Variants in NUCKS1 observed in about 807,000 individuals in gnomAD.
NUCKS1 encodes the protein nuclear ubiquitous casein and cyclin-dependent kinase substrate 1.
Under a neutral mutation model 33.0 loss-of-function variants are expected in NUCKS1, and 2 were observed. The ratio of observed to expected loss-of-function variants is 0.06; its 90% CI spans 0.02 to 0.19. The LOEUF is 0.19. Ranked by LOEUF, NUCKS1 falls within the 10% of genes least tolerant of loss-of-function variation. NUCKS1 has a pLI of 1.00. For synonymous variants in NUCKS1, 106 were observed against 102.8 expected (o/e 1.03, Z -0.19); for missense variants, 201 against 293.6 (o/e 0.68, Z 2.31).
chr1:205,749,664 C>T (rs1328047286), intron 1 of NUCKS1, among the ~76,000 whole-genome samples: 1 of 152,010 alleles, frequency 6.6e-6, no homozygotes, highest in Non-Finnish European at 1.5e-5. Flanking sequence ...CCTCCGGCCG[C>T]TGGCGGCTCA....
intron 1 of NUCKS1, among the ~76,000 whole-genome samples, chr1:205,736,514 G>A (rs1035678258): frequency 5.3e-5 from 8 of 151,892 alleles, no homozygotes; most frequent in Admixed American, 5.3e-4. Context: ...GATCTCCAAG[G>A]CAGCCTATGC....
At position 205,715,282 on chromosome 1, in the gene NUCKS1, T is replaced by C. The variant is rs928275662; in HGVS notation, c.*2998A>G. ...CAGGTTATTGTGAAAACAGTCAATA[T>C]GTAAGCTCCTTCAAGGGAAATCAAC... is the stretch of plus-strand genomic sequence containing the variant. On this transcript the variant is annotated 3_prime_UTR_variant, in exon 7 of 7. Transcript: ENST00000367142. 2 of 152,216 alleles carry C rather than the reference T, an allele frequency of 1.3e-5. No individual in the cohort carries two copies. The highest frequency in any genetic ancestry group is 1.9e-4 in the East Asian group (1 of 5,196). 9.4% of individuals were successfully genotyped at this position (152,216 alleles called of 1,614,324 possible). A position where few individuals can be genotyped will look rare whatever the true frequency, so the allele number is the denominator to read the frequency against.
In NUCKS1 at chr1:205,718,377, G is replaced by A. The variant is rs771629435; in HGVS notation, c.635C>T (p.Pro212Leu). 1.2e-5 allele frequency: 20 copies of A among 1,613,148 alleles called. No individual in the cohort carries two copies. The highest frequency in any genetic ancestry group is 4.5e-5 in the East Asian group (2 of 44,884). ...TPSPKEEDEE[P>L]ESPPEKKTST... The stretch of plus-strand genomic sequence containing the variant: ...TGTTTTCTTTTCTGGCGGGCTTTCC[G>A]GTTCCTCATCTTCTTCTTTGGGAGA... Residue 212 changes from proline to leucine, a missense_variant, in exon 7 of 7, where the codon CCG (proline) becomes CTG (leucine). Pro to Leu is a moderately conservative substitution (Grantham distance 98, BLOSUM62 -3). Coordinates refer to ENST00000367142, the MANE Select transcript of NUCKS1 (RefSeq NM_022731.5).
intron 2 of NUCKS1, among the ~76,000 whole-genome samples, chr1:205,728,174 T>C: frequency 6.6e-6 from 1 of 152,214 alleles, no homozygotes; most frequent in East Asian, 1.9e-4. Context: ...CTAAGCAAAT[T>C]ACTTTTAAAC....
intron 1 of NUCKS1, among the ~76,000 whole-genome samples, chr1:205,744,630 GT>G (rs10672842): frequency 2.7e-4 from 24 of 87,762 alleles, no homozygotes; most frequent in South Asian, 1.4e-3. Context: ...GTTCACTAGA[GT>G]TTTTTTTTTT....
At chr1:205,742,315 G>C (rs1654195137) in intron 1 of NUCKS1, among the ~76,000 whole-genome samples, 1 of 152,160 alleles carries the variant, frequency 6.6e-6, no homozygotes, top group Non-Finnish European at 1.5e-5. Context: ...GCAATACCTA[G>C]TTGAAACACT....
chr1:205,729,731 T>C (rs1653862301), intron 1 of NUCKS1, 110 bp from the exon 2 acceptor site: 1 of 866,892 alleles, frequency 1.2e-6, no homozygotes. Context: ...ACTTTGAAAA[T>C]TATTTAATTG....
rs140739406 is a variant in NUCKS1, at chr1:205,718,475, C to T, written c.537G>A (p.Thr179=). Residue 179 remains threonine, a synonymous_variant, in exon 7 of 7, where the codon ACG becomes ACA. Transcript: ENST00000367142. Reference sequence around the variant, plus strand: ...TCCCTTTGCCTTTCACTGGACTTGGCGTCACTGAAAATAGAAAAATAATTT... The same window carrying T: ...TCCCTTTGCCTTTCACTGGACTTGGTGTCACTGAAAATAGAAAAATAATTT... ...MPKPRLKATV[T]PSPVKGKGKV... is the part of the protein sequence containing the mutation. 9.3e-6 allele frequency: 15 copies of T among 1,607,456 alleles called. No individual in the cohort carries two copies. Among genetic ancestry groups the T allele is most frequent in the African/African-American group, 6.7e-5 (5 of 74,356 alleles).
intron 3 of NUCKS1, among the ~76,000 whole-genome samples, chr1:205,727,353 ATTAT>A (rs1653804482): frequency 1.3e-5 from 2 of 152,218 alleles, no homozygotes; most frequent in African/African-American, 4.8e-5. Context: ...AAATGGTTAA[ATTAT>A]TTAAACAAAG....
Position 205,750,027 on chromosome 1 carries a change from AC to A in NUCKS1, c.-55del. 1.6e-6 allele frequency: 1 copy of A among 639,116 alleles called. No homozygotes were observed. Among genetic ancestry groups the A allele is most frequent in the Non-Finnish European group, 2.2e-6 (1 of 454,138 alleles). The allele number at this position is 639,116 out of a possible 1,614,324, so 39.6% of individuals were successfully genotyped here. On this transcript the variant is annotated 5_prime_UTR_variant, in exon 1 of 7. Transcript: ENST00000367142. ...GAAGCCAAAGACCAGGACCCCCCCCACCCCGCGCGCTCGGCGCCCCACCCCC... is the reference window on the plus strand; with the variant it reads ...GAAGCCAAAGACCAGGACCCCCCCCACCCGCGCGCTCGGCGCCCCACCCCC...
chr1:205,732,040 A>G (rs1460384641), intron 1 of NUCKS1, among the ~76,000 whole-genome samples: 1 of 152,192 alleles, frequency 6.6e-6, no homozygotes, highest in Non-Finnish European at 1.5e-5. Context: ...TCCACCTTCT[A>G]GTATAGTATG....
Position 205,717,458 on chromosome 1 carries a change from A to C in NUCKS1, c.*822T>G. On this transcript the variant is annotated 3_prime_UTR_variant, in exon 7 of 7. Coordinates refer to ENST00000367142, the MANE Select transcript of NUCKS1 (RefSeq NM_022731.5). Reference sequence around the variant, plus strand: ...AAAAACAGGATACATATATATTTAGAGAAGGAAATATGAAATCAAGAGTTT... The same window carrying C: ...AAAAACAGGATACATATATATTTAGCGAAGGAAATATGAAATCAAGAGTTT... 1.0e-6 allele frequency: 1 copy of C among 983,010 alleles called. No individual in the cohort carries two copies. The highest frequency in any genetic ancestry group is 1.2e-6 in the Non-Finnish European group (1 of 828,130). 60.9% of individuals were successfully genotyped at this position (983,010 alleles called of 1,614,324 possible). A position where few individuals can be genotyped will look rare whatever the true frequency, so the allele number is the denominator to read the frequency against.
Position 205,718,269 on chromosome 1 carries a change from C to T in NUCKS1, c.*11G>A, listed in dbSNP as rs372252283. 1.3e-6 allele frequency: 2 copies of T among 1,593,622 alleles called. No homozygotes were observed. The highest frequency in any genetic ancestry group is 1.7e-6 in the Non-Finnish European group (2 of 1,171,926). ...TTTTTAATAAAATCTCTCCCCAGAC[C>T]ATCATCACTTTTAATCCTCCCCAGA... On this transcript the variant is annotated 3_prime_UTR_variant, in exon 7 of 7. Coordinates refer to ENST00000367142, the MANE Select transcript of NUCKS1 (RefSeq NM_022731.5).
rs561848763 is a variant in NUCKS1 at position 205,734,127 on chromosome 1, C to T, written c.18-4506G>A. ...CTCCTGGCCTCAAGCAATCCTCTCA[C>T]CTTAATCTCCCAAAATGCTGGGATT... On this transcript the variant is annotated intron_variant, in intron 1 of 6. Coordinates refer to ENST00000367142, the MANE Select transcript of NUCKS1 (RefSeq NM_022731.5). 3.9e-5 allele frequency among the ~76,000 whole-genome samples: 6 copies of T among 152,138 alleles called. No individual in the cohort carries two copies. In the South Asian group the frequency reaches 1.2e-3, roughly 32 times the overall value.
rs185483323 is a variant in NUCKS1 at position 205,717,447 on chromosome 1, T to A, written c.*833A>T. The stretch of plus-strand genomic sequence containing the variant: ...AATTTTATCCAAAAAACAGGATACA[T>A]ATATATTTAGAGAAGGAAATATGAA... On this transcript the variant is annotated 3_prime_UTR_variant, in exon 7 of 7. Coordinates refer to ENST00000367142, the MANE Select transcript of NUCKS1 (RefSeq NM_022731.5). The A allele has an allele frequency of 2.3e-5, 23 of 983,554 alleles. No individual in the cohort carries two copies. In the East Asian group the frequency reaches 1.7e-3, roughly 73 times the overall value. The allele number at this position is 983,554 out of a possible 1,614,324, so 60.9% of individuals were successfully genotyped here.
At chr1:205,733,724 T>G (rs1200265052) in intron 1 of NUCKS1, among the ~76,000 whole-genome samples, 2 of 152,224 alleles carry the variant, frequency 1.3e-5, no homozygotes, top group African/African-American at 4.8e-5. Context: ...TATTGCATTA[T>G]GATCACAATA....
At chr1:205,729,687 C>T in intron 1 of NUCKS1, 66 bp from the exon 2 acceptor site, 1 of 1,166,248 alleles carries the variant, frequency 8.6e-7, no homozygotes. Context: ...CATCAGAACA[C>T]ACATTTCTCT....
chr1:205,743,858 T>C (rs1365491388), intron 1 of NUCKS1, among the ~76,000 whole-genome samples: 2 of 152,218 alleles, frequency 1.3e-5, no homozygotes, highest in African/African-American at 2.4e-5. Context: ...AGTTAGCTAA[T>C]TGTCTGTTTA....
Position 205,717,665 on chromosome 1 carries a change from T to C in NUCKS1, c.*615A>G. 1 of 985,296 alleles carries C rather than the reference T, an allele frequency of 1.0e-6. No homozygotes were observed. The highest frequency in any genetic ancestry group is 1.2e-6 in the Non-Finnish European group (1 of 829,914). 61.0% of individuals were successfully genotyped at this position (985,296 alleles called of 1,614,324 possible). A position where few individuals can be genotyped will look rare whatever the true frequency, so the allele number is the denominator to read the frequency against. On this transcript the variant is annotated 3_prime_UTR_variant, in exon 7 of 7. Coordinates refer to ENST00000367142, the MANE Select transcript of NUCKS1 (RefSeq NM_022731.5). ...CCTACAAGGTAAAAAATGAGTACTT[T>C]TAGTAACAGTTCAGAATTCATCTTT...
Sources: allele counts gnomAD v4.1 joint callset (sites outside exome capture counted in the v4.1 genomes callset), GRCh38; gene constraint gnomAD v4.1.1; transcripts MANE v1.5; gene names NCBI Gene and HGNC (gene_info 2026-07-23, HGNC 2026-07-21).